The following CNTN4 variants were observed in gnomAD, a reference collection of about 807,000 sequenced individuals.
CNTN4 encodes contactin 4, also known as contactin-4.
In CNTN4, 77 loss-of-function variants were observed where a neutral mutation model predicts 122.5. The observed-to-expected ratio is 0.63, with a 90% CI of 0.52 to 0.76. The LOEUF is 0.76. CNTN4 is among the 30% of genes least tolerant of loss of function. The pLI, the probability that CNTN4 is intolerant of heterozygous loss-of-function variation, is 0.00. For missense variants in CNTN4, 1,256 were observed against 1,259.1 expected, an observed-to-expected ratio of 1.00 and a Z score of 0.04; for synonymous variants, 512 against 447.0, an observed-to-expected ratio of 1.15 and a Z score of -1.83.
chr3:2,340,349 A>G (rs1433150693), intron 3 of CNTN4, among the ~76,000 whole-genome samples: 1 of 152,080 alleles, frequency 6.6e-6, no homozygotes, highest in Non-Finnish European at 1.5e-5. Flanking sequence ...ATGATATAAT[A>G]ATTATCTCTT....
intron 4 of CNTN4, among the ~76,000 whole-genome samples, chr3:2,684,254 T>C (rs1229323885): frequency 5.9e-5 from 9 of 152,046 alleles, no homozygotes; most frequent in Non-Finnish European, 1.0e-4. Context: ...GAGAGTAAGA[T>C]GAATGAATCC....
intron 12 of CNTN4, among the ~76,000 whole-genome samples, chr3:2,913,290 A>G (rs910826906): frequency 1.3e-5 from 2 of 152,234 alleles, no homozygotes; most frequent in African/African-American, 4.8e-5. Context: ...ACAAAATGGC[A>G]ATTGTAAGCC....
chr3:2,108,616 T>TG (rs2032672822), intron 2 of CNTN4, among the ~76,000 whole-genome samples: 1 of 152,200 alleles, frequency 6.6e-6, no homozygotes, highest in African/African-American at 2.4e-5. Context: ...TAGATCCATT[T>TG]TGTACTAGTT....
intron 2 of CNTN4, among the ~76,000 whole-genome samples, chr3:2,189,698 G>T (rs894510258): frequency 6.6e-6 from 1 of 150,532 alleles, no homozygotes; most frequent in African/African-American, 2.4e-5. Flanking sequence ...CATTATTCAT[G>T]AAAAATACGA....
intron 2 of CNTN4, among the ~76,000 whole-genome samples, chr3:2,315,193 A>T (rs1036543865): frequency 2.9e-5 from 4 of 136,328 alleles, no homozygotes; most frequent in African/African-American, 7.6e-5. Flanking sequence ...AATATCATTG[A>T]GCATAAATCA....
intron 2 of CNTN4, among the ~76,000 whole-genome samples, chr3:2,239,665 G>A (rs984598057): frequency 6.6e-6 from 1 of 152,068 alleles, no homozygotes; most frequent in African/African-American, 2.4e-5. Flanking sequence ...TAATAATTTT[G>A]TATTGGTAAG....
At chr3:2,670,203 C>G (rs1029102477) in intron 4 of CNTN4, among the ~76,000 whole-genome samples, 26 of 152,084 alleles carry the variant, frequency 1.7e-4, no homozygotes, top group African/African-American at 6.3e-4. Context: ...GTTGAAATCT[C>G]CCATTATTAT....
In CNTN4 at chr3:2,708,096, C is replaced by T. The variant is rs948309583; in HGVS notation, c.56-28119C>T. 1.3e-5 allele frequency among the ~76,000 whole-genome samples: 2 copies of T among 152,214 alleles called. 1 individual carries two copies. Among genetic ancestry groups the T allele is most frequent in the South Asian group, 4.1e-4 (2 of 4,824 alleles). On this transcript the variant is annotated intron_variant, in intron 4 of 24. Coordinates refer to ENST00000418658, the MANE Select transcript of CNTN4 (RefSeq NM_175607.3). ...AAATATGAATTTAACCAATTGCCTTCAGGGTAGGAAGCTGATCAAATACAT... is the reference window on the plus strand; with the variant it reads ...AAATATGAATTTAACCAATTGCCTTTAGGGTAGGAAGCTGATCAAATACAT...
At chr3:2,221,942 C>T (rs139232793) in intron 2 of CNTN4, among the ~76,000 whole-genome samples, 1 of 152,312 alleles carries the variant, frequency 6.6e-6, no homozygotes, top group Non-Finnish European at 1.5e-5. Context: ...CCCTCATACA[C>T]TGCTGGTAGA....
chr3:2,639,900 A>G (rs13088746), intron 4 of CNTN4, among the ~76,000 whole-genome samples: 53,048 of 152,144 alleles, frequency 0.35, 10,408 homozygotes, highest in East Asian at 0.74. Flanking sequence ...CTTAAGGAAC[A>G]ACTAAGCTAT....
chr3:2,840,346 C>T (rs1423955331), intron 7 of CNTN4, among the ~76,000 whole-genome samples: 1 of 151,974 alleles, frequency 6.6e-6, no homozygotes, highest in Non-Finnish European at 1.5e-5. Flanking sequence ...CTTTTCTTTT[C>T]CTTTGTTCCT....
chr3:2,739,722 G>A (rs997859897), intron 5 of CNTN4, among the ~76,000 whole-genome samples: 7 of 152,182 alleles, frequency 4.6e-5, no homozygotes, highest in African/African-American at 1.7e-4. Flanking sequence ...AGTTTTACAT[G>A]GCAAGGAAGC....
chr3:2,640,792 G>C (rs936780750), intron 4 of CNTN4, among the ~76,000 whole-genome samples: 2 of 152,166 alleles, frequency 1.3e-5, no homozygotes, highest in Non-Finnish European at 2.9e-5. Flanking sequence ...TTCCTTTGTA[G>C]CTGATTGACT....
At chr3:2,663,702 C>A (rs2084013806) in intron 4 of CNTN4, among the ~76,000 whole-genome samples, 1 of 151,988 alleles carries the variant, frequency 6.6e-6, no homozygotes, top group Admixed American at 6.6e-5. Flanking sequence ...TAAAGAGAAC[C>A]AAGGGAAGAA....
chr3:2,617,419 CTTTTTTT>C (rs71058631), intron 4 of CNTN4, among the ~76,000 whole-genome samples: 1 of 108,528 alleles, frequency 9.2e-6, no homozygotes, highest in Non-Finnish European at 1.8e-5. Flanking sequence ...AGAGAAATGC[CTTTTTTT>C]TTTTTTTTTT....
At chr3:2,791,765 T>C (rs1336932265) in intron 6 of CNTN4, among the ~76,000 whole-genome samples, 1 of 151,920 alleles carries the variant, frequency 6.6e-6, no homozygotes, top group East Asian at 1.9e-4. Context: ...CCTCTAGGGG[T>C]TTTAGGGAAG....
intron 2 of CNTN4, among the ~76,000 whole-genome samples, chr3:2,178,232 A>G (rs1346369459): frequency 1.3e-5 from 2 of 152,022 alleles, no homozygotes; most frequent in Non-Finnish European, 2.9e-5. Context: ...TTGAATTAAT[A>G]TATAATTCAT....
At chr3:2,800,404 C>G (rs1315597447) in intron 6 of CNTN4, among the ~76,000 whole-genome samples, 1 of 152,088 alleles carries the variant, frequency 6.6e-6, no homozygotes, top group East Asian at 1.9e-4. Context: ...TTTGCTTTCT[C>G]ATTTGTAATC....
At chr3:2,671,639 C>T (rs542776700) in intron 4 of CNTN4, among the ~76,000 whole-genome samples, 8 of 152,346 alleles carry the variant, frequency 5.3e-5, no homozygotes, top group East Asian at 3.9e-4. Context: ...TGAGGAGCTG[C>T]GTTCCTTTGG....
Sources: allele counts gnomAD v4.1 joint callset (sites outside exome capture counted in the v4.1 genomes callset), GRCh38; gene constraint gnomAD v4.1.1; transcripts MANE v1.5; gene names NCBI Gene and HGNC (gene_info 2026-07-23, HGNC 2026-07-21).